Variants in MALRD1 observed in about 807,000 individuals in gnomAD.
MALRD1 encodes MAM and LDL-receptor class A domain-containing protein 1.
MALRD1 carries 247 observed loss-of-function variants against 242.1 expected under a neutral mutation model. The ratio of observed to expected loss-of-function variants is 1.02; its 90% CI spans 0.92 to 1.13. The LOEUF is 1.13. Ranked by LOEUF, MALRD1 falls within the 50% of genes most tolerant of loss-of-function variation. The probability of loss-of-function intolerance (pLI) is 0.00; values close to 1 mark genes in which losing one functional copy is unlikely to be tolerated. For synonymous variants in MALRD1, 995 were observed against 866.6 expected (o/e 1.15, Z -2.60); for missense variants, 2,989 against 2,533.1 (o/e 1.18, Z -3.86).
intron 28 of MALRD1, among the ~76,000 whole-genome samples, chr10:19,401,538 T>A (rs1474870548): frequency 6.6e-6 from 1 of 152,180 alleles, no homozygotes; most frequent in African/African-American, 2.4e-5. Context: ...TGACCTTAAC[T>A]TTTAATTTTT....
intron 34 of MALRD1, among the ~76,000 whole-genome samples, chr10:19,607,512 T>C (rs969979512): frequency 2.6e-5 from 4 of 152,132 alleles, no homozygotes; most frequent in Middle Eastern, 3.2e-3. Context: ...TTTCAAGATA[T>C]GAATGTTGAG....
At chr10:19,625,936 A>T (rs1427367976) in intron 36 of MALRD1, among the ~76,000 whole-genome samples, 2 of 152,262 alleles carry the variant, frequency 1.3e-5, no homozygotes, top group Admixed American at 1.3e-4. Flanking sequence ...AATATAACAT[A>T]GTACTCAAGT....
intron 32 of MALRD1, among the ~76,000 whole-genome samples, chr10:19,540,487 G>A (rs896504150): frequency 6.6e-6 from 1 of 152,160 alleles, no homozygotes; most frequent in East Asian, 1.9e-4. Flanking sequence ...GAAATATGGT[G>A]CATAAAGAGT....
At chr10:19,079,127 A>G (rs1835405710) in intron 2 of MALRD1, among the ~76,000 whole-genome samples, 1 of 151,440 alleles carries the variant, frequency 6.6e-6, no homozygotes, top group East Asian at 2.0e-4. Context: ...ACAGCTATAC[A>G]TTTCTTACCA....
chr10:19,126,391 A>G (rs147983296), intron 7 of MALRD1, among the ~76,000 whole-genome samples: 3 of 151,618 alleles, frequency 2.0e-5, no homozygotes, highest in African/African-American at 7.3e-5. Context: ...CCTCCTTTTT[A>G]TTTTCTATAT....
intron 38 of MALRD1, among the ~76,000 whole-genome samples, chr10:19,710,030 T>A (rs921813110): frequency 6.6e-6 from 1 of 151,804 alleles, no homozygotes; most frequent in Non-Finnish European, 1.5e-5. Flanking sequence ...AGCCCAGGAG[T>A]TGGAGACTAT....
intron 36 of MALRD1, among the ~76,000 whole-genome samples, chr10:19,661,254 A>T (rs1841413336): frequency 1.3e-5 from 2 of 152,336 alleles, no homozygotes; most frequent in South Asian, 4.1e-4. Flanking sequence ...AGAACTAGAA[A>T]TACCATTTGT....
intron 24 of MALRD1, among the ~76,000 whole-genome samples, chr10:19,335,522 T>A (rs952527134): frequency 6.6e-6 from 1 of 152,178 alleles, no homozygotes; most frequent in African/African-American, 2.4e-5. Flanking sequence ...TGAACTTTGA[T>A]GCCCTAATTT....
At chr10:19,259,116 T>C (rs1839641427) in intron 19 of MALRD1, among the ~76,000 whole-genome samples, 1 of 152,192 alleles carries the variant, frequency 6.6e-6, no homozygotes, top group South Asian at 2.1e-4. Flanking sequence ...CTTTTCAAAC[T>C]TAGATAAGGT....
At chr10:19,050,671 A>G (rs1226605279) in intron 1 of MALRD1, among the ~76,000 whole-genome samples, 3 of 152,134 alleles carry the variant, frequency 2.0e-5, no homozygotes, top group South Asian at 2.1e-4. Context: ...ATTCATTTGT[A>G]TTTGTCCAAT....
chr10:19,401,206 A>G (rs958632072), intron 28 of MALRD1, among the ~76,000 whole-genome samples: 3 of 152,124 alleles, frequency 2.0e-5, no homozygotes, highest in Non-Finnish European at 4.4e-5. Context: ...TCTACAGTCT[A>G]TGTCATACAT....
At chr10:19,256,316 T>C (rs747602177) in intron 18 of MALRD1, among the ~76,000 whole-genome samples, 4 of 152,098 alleles carry the variant, frequency 2.6e-5, no homozygotes, top group Non-Finnish European at 5.9e-5. Flanking sequence ...TTTTTAAAAA[T>C]AAAACAGAAT....
intron 32 of MALRD1, among the ~76,000 whole-genome samples, chr10:19,536,000 A>G (rs1375063240): frequency 5.9e-5 from 9 of 152,222 alleles, no homozygotes; most frequent in Admixed American, 5.9e-4. Flanking sequence ...GCATTCTCAA[A>G]AGAGATTCCA....
At chr10:19,715,007 G>A (rs553910117) in intron 38 of MALRD1, among the ~76,000 whole-genome samples, 1 of 152,126 alleles carries the variant, frequency 6.6e-6, no homozygotes, top group Non-Finnish European at 1.5e-5. Context: ...TTAACATTTT[G>A]ATGTATCTTC....
At chr10:19,366,684 G>C (rs1033136483) in intron 26 of MALRD1, among the ~76,000 whole-genome samples, 2 of 152,108 alleles carry the variant, frequency 1.3e-5, no homozygotes, top group African/African-American at 4.8e-5. Flanking sequence ...ATGAACATAT[G>C]GGTTGGTTCA....
chr10:19,398,258 T>G (rs1437211327), intron 28 of MALRD1, among the ~76,000 whole-genome samples: 1 of 152,182 alleles, frequency 6.6e-6, no homozygotes, highest in Non-Finnish European at 1.5e-5. Flanking sequence ...TCATGAAGCA[T>G]TTCTTCAATA....
intron 38 of MALRD1, among the ~76,000 whole-genome samples, chr10:19,705,949 G>A (rs1833846345): frequency 6.6e-6 from 1 of 151,852 alleles, no homozygotes; most frequent in African/African-American, 2.4e-5. Context: ...CTTGTTCAGA[G>A]TCAAATGAGA....
At chr10:19,720,035 CTG>C (rs755607061) in intron 38 of MALRD1, among the ~76,000 whole-genome samples, 26 of 152,216 alleles carry the variant, frequency 1.7e-4, no homozygotes, top group Admixed American at 4.6e-4. Flanking sequence ...CCTTATGACT[CTG>C]TGCAATTTTT....
At chr10:19,385,120 A>T (rs1846022620) in intron 26 of MALRD1, among the ~76,000 whole-genome samples, 1 of 151,954 alleles carries the variant, frequency 6.6e-6, no homozygotes, top group Non-Finnish European at 1.5e-5. Flanking sequence ...CTTATGTGGT[A>T]ATGATGTATG....
Sources: allele counts gnomAD v4.1 joint callset (sites outside exome capture counted in the v4.1 genomes callset), GRCh38; gene constraint gnomAD v4.1.1; transcripts MANE v1.5; gene names NCBI Gene and HGNC (gene_info 2026-07-23, HGNC 2026-07-21).